The following PRDM16 variants were observed in gnomAD, a reference collection of about 807,000 sequenced individuals.
PRDM16 encodes the protein histone-lysine N-methyltransferase PRDM16.
Under a neutral mutation model 110.6 loss-of-function variants are expected in PRDM16, and 23 were observed. The observed-to-expected ratio is 0.21, with a 90% CI of 0.15 to 0.29. The LOEUF is 0.29. Ranked by LOEUF, PRDM16 falls within the 10% of genes least tolerant of loss-of-function variation. The pLI, the probability that PRDM16 is intolerant of heterozygous loss-of-function variation, is 1.00. For synonymous variants in PRDM16, 799 were observed against 781.8 expected (o/e 1.02, Z -0.37); for missense variants, 1,615 against 1,794.3 (o/e 0.90, Z 1.81).
Position 3,180,878 on chromosome 1 carries a change from AGTCTTACACACGGCCTCACACACG to A in PRDM16, c.38-5246_38-5223del, listed in dbSNP as rs1557507025. Among the ~76,000 whole-genome samples the A allele has an allele frequency of 1.4e-3, 204 of 151,104 alleles. 1 individual carries two copies. Among genetic ancestry groups the A allele is most frequent in the African/African-American group, 4.9e-3 (202 of 41,216 alleles). On this transcript the variant is annotated intron_variant, in intron 1 of 16. Transcript: ENST00000270722. Reference sequence around the variant, plus strand: ...GTCTTACGCACGGCCTTACACACGCAGTCTTACACACGGCCTCACACACGCAGTCTTACACGCAGCCTTACACAC... The same window carrying A: ...GTCTTACGCACGGCCTTACACACGCACAGTCTTACACGCAGCCTTACACAC...
At chr1:3,238,861 T>C (rs6676225) in intron 2 of PRDM16, among the ~76,000 whole-genome samples, 6,276 of 152,304 alleles carry the variant, frequency 0.041, 433 homozygotes, top group African/African-American at 0.14. Context: ...GTGCGGGCGC[T>C]GCCCTGAGCA....
Position 3,418,779 on chromosome 1 carries a change from C to A in PRDM16, c.2939+35C>A, listed in dbSNP as rs772768087. On this transcript the variant is annotated intron_variant, in intron 12 of 16. Coordinates refer to ENST00000270722, the MANE Select transcript of PRDM16 (RefSeq NM_022114.4). ...GCGTGGGCTGGGTGTGGGGGCGGGG[C>A]CGCCTGCCTCCGTGCACCGCTGACC... 5 of 1,509,754 alleles carry A rather than the reference C, an allele frequency of 3.3e-6. No homozygotes were observed. In the East Asian group the frequency reaches 9.0e-5, roughly 27 times the overall value. The allele number at this position is 1,509,754 out of a possible 1,614,324, so 93.5% of individuals were successfully genotyped here.
intron 3 of PRDM16, among the ~76,000 whole-genome samples, chr1:3,340,565 C>T (rs2100511933): frequency 6.6e-6 from 1 of 152,314 alleles, no homozygotes; most frequent in Non-Finnish European, 1.5e-5. Context: ...GCACAGGGCT[C>T]CCTCCCCCAC....
At chr1:3,181,125 CA>C (rs1557508031) in intron 1 of PRDM16, among the ~76,000 whole-genome samples, 7 of 138,824 alleles carry the variant, frequency 5.0e-5, no homozygotes, top group South Asian at 2.5e-4. Flanking sequence ...CTTACACACG[CA>C]GTCTTACACG....
chr1:3,387,248 G>A (rs1383273636), intron 4 of PRDM16, among the ~76,000 whole-genome samples: 3 of 152,124 alleles, frequency 2.0e-5, no homozygotes, highest in South Asian at 2.1e-4. Flanking sequence ...CATACTTGGC[G>A]CTATTACCCA....
intron 3 of PRDM16, among the ~76,000 whole-genome samples, chr1:3,312,967 C>A (rs1462332125): frequency 6.6e-6 from 1 of 152,238 alleles, no homozygotes; most frequent in Non-Finnish European, 1.5e-5. Flanking sequence ...GCGAGTACAG[C>A]TATCAACTTG....
chr1:3,130,904 C>T (rs1382511185), intron 1 of PRDM16, among the ~76,000 whole-genome samples: 2 of 152,090 alleles, frequency 1.3e-5, no homozygotes, highest in African/African-American at 2.4e-5. Context: ...AGAACGCAGC[C>T]GCTTCCTTCT....
At chr1:3,403,584 A>T (rs1643510614) in intron 6 of PRDM16, among the ~76,000 whole-genome samples, 1 of 152,214 alleles carries the variant, frequency 6.6e-6, no homozygotes, top group African/African-American at 2.4e-5. Flanking sequence ...CTTCAGAGAC[A>T]TGAGCGGGCC....
In PRDM16 at chr1:3,201,420, C is replaced by T. The variant is rs1334642328; in HGVS notation, c.387+14946C>T. On this transcript the variant is annotated intron_variant, in intron 2 of 16. Transcript: ENST00000270722. This position sits in a 1 kb window ranked among gnomAD's most constrained non-coding sequence, Gnocchi z 4.1. Reference sequence around the variant, plus strand: ...CCTTCAAGTCCAGTAGCCCAAGCCACGGGAGCCAGCCTCACCCTGGCCCCA... The same window carrying T: ...CCTTCAAGTCCAGTAGCCCAAGCCATGGGAGCCAGCCTCACCCTGGCCCCA... 3.3e-5 allele frequency among the ~76,000 whole-genome samples: 5 copies of T among 152,176 alleles called. No individual in the cohort carries two copies. The highest frequency in any genetic ancestry group is 1.3e-4 in the Admixed American group (2 of 15,284).
chr1:3,202,118 C>T (rs1261197841), intron 2 of PRDM16, among the ~76,000 whole-genome samples: 2 of 152,150 alleles, frequency 1.3e-5, no homozygotes, highest in Non-Finnish European at 2.9e-5. Flanking sequence ...TTGGAGACAC[C>T]CCCGAAGGTG....
chr1:3,399,042 C>G (rs1249750762), intron 5 of PRDM16, among the ~76,000 whole-genome samples: 1 of 152,226 alleles, frequency 6.6e-6, no homozygotes, highest in East Asian at 1.9e-4. Flanking sequence ...ACAAGTGATT[C>G]AGACCACGGG....
intron 3 of PRDM16, among the ~76,000 whole-genome samples, chr1:3,340,122 G>C (rs1231313421): frequency 6.6e-6 from 1 of 152,212 alleles, no homozygotes; most frequent in Non-Finnish European, 1.5e-5. Flanking sequence ...GGTAAAGTGT[G>C]ACCCTATTTC....
At chr1:3,251,210 G>C (rs1010983279) in intron 3 of PRDM16, among the ~76,000 whole-genome samples, 5 of 144,156 alleles carry the variant, frequency 3.5e-5, no homozygotes, top group Non-Finnish European at 6.1e-5. Context: ...GGTTCTGCCC[G>C]GGGCAGCGCG....
At chr1:3,282,103 C>G (rs1451830450) in intron 3 of PRDM16, among the ~76,000 whole-genome samples, 1 of 152,240 alleles carries the variant, frequency 6.6e-6, no homozygotes, top group East Asian at 1.9e-4. Flanking sequence ...CTCTCCTTAC[C>G]ACCGAAGCAG....
At chr1:3,323,230 A>C (rs1218888386) in intron 3 of PRDM16, among the ~76,000 whole-genome samples, 2 of 152,186 alleles carry the variant, frequency 1.3e-5, no homozygotes, top group Non-Finnish European at 2.9e-5. Context: ...TCACCGGTAC[A>C]GGTGGGGGCA....
In PRDM16 at chr1:3,359,224, G is replaced by A. The variant is rs1180259132; in HGVS notation, c.439-25928G>A. Reference sequence around the variant, plus strand: ...CTAGTTAATATGTCCATTTTGTGTTGACTTGGGGTCTCACTATGTTCCCCA... The same window carrying A: ...CTAGTTAATATGTCCATTTTGTGTTAACTTGGGGTCTCACTATGTTCCCCA... On this transcript the variant is annotated intron_variant, in intron 3 of 16. Coordinates refer to ENST00000270722, the MANE Select transcript of PRDM16 (RefSeq NM_022114.4). The surrounding 1 kb of genome is among the most constrained non-coding windows in gnomAD (Gnocchi z 4.3). 2.6e-5 allele frequency among the ~76,000 whole-genome samples: 4 copies of A among 152,058 alleles called. No individual in the cohort carries two copies. Among genetic ancestry groups the A allele is most frequent in the Non-Finnish European group, 5.9e-5 (4 of 68,016 alleles).
chr1:3,205,775 C>T (rs1466190708), intron 2 of PRDM16, among the ~76,000 whole-genome samples: 4 of 152,238 alleles, frequency 2.6e-5, no homozygotes, highest in Non-Finnish European at 5.9e-5. Flanking sequence ...AACCGGCTTC[C>T]TGGCCAGGCC....
chr1:3,360,526 C>T (rs1034313978), intron 3 of PRDM16, among the ~76,000 whole-genome samples: 1 of 152,162 alleles, frequency 6.6e-6, no homozygotes. Context: ...TGGACTGTGG[C>T]GTAGATGCTG....
In PRDM16 at chr1:3,339,534, G is replaced by A. The variant is rs1043949889; in HGVS notation, c.439-45618G>A. On this transcript the variant is annotated intron_variant, in intron 3 of 16. Transcript: ENST00000270722. The surrounding 1 kb of genome is among the most constrained non-coding windows in gnomAD (Gnocchi z 5.0). ...ATTTCAAGAGCAACAAAGCTTTGTT[G>A]CCCACCGAGCGATTCAGGCAGTGAG... Among the ~76,000 whole-genome samples, 1 of 152,122 alleles carries A rather than the reference G, an allele frequency of 6.6e-6. No individual in the cohort carries two copies. Among genetic ancestry groups the A allele is most frequent in the African/African-American group, 2.4e-5 (1 of 41,428 alleles).
Sources: gnomAD v4.1 joint callset for allele counts (sites outside exome capture counted in the v4.1 genomes callset) on GRCh38, gnomAD v4.1.1 for gene constraint, Gnocchi (gnomAD v3.1) non-coding constraint, MANE v1.5 for transcripts, NCBI Gene and HGNC (gene_info 2026-07-23, HGNC 2026-07-21) for gene names.